Variants in SUSD6 observed in about 807,000 individuals in gnomAD.
The protein encoded by SUSD6 is sushi domain-containing protein 6.
In SUSD6, 16 loss-of-function variants were observed where a neutral mutation model predicts 28.4. That is an observed-to-expected ratio of 0.56 (90% CI 0.38 to 0.86). The LOEUF is 0.86. SUSD6 is among the 40% of genes least tolerant of loss of function. The probability of loss-of-function intolerance (pLI) is 0.00; values close to 1 mark genes in which losing one functional copy is unlikely to be tolerated. For missense variants in SUSD6, 341 were observed against 384.2 expected, an observed-to-expected ratio of 0.89 and a Z score of 0.94; for synonymous variants, 147 against 159.6, an observed-to-expected ratio of 0.92 and a Z score of 0.59.
chr14:69,632,905 C>T (rs927211571), intron 1 of SUSD6, among the ~76,000 whole-genome samples: 1 of 152,280 alleles, frequency 6.6e-6, no homozygotes, highest in African/African-American at 2.4e-5. Context: ...TTCACAGGTT[C>T]CTATCTCCAC....
At chr14:69,659,835 T>A (rs868178238) in intron 2 of SUSD6, among the ~76,000 whole-genome samples, 2 of 152,302 alleles carry the variant, frequency 1.3e-5, no homozygotes, top group Middle Eastern at 6.8e-3. Context: ...CCTTTTTGAG[T>A]TTGTACAGCC....
chr14:69,634,216 C>T (rs1885232715), intron 1 of SUSD6, among the ~76,000 whole-genome samples: 1 of 152,270 alleles, frequency 6.6e-6, no homozygotes, highest in Admixed American at 6.5e-5. Context: ...GTGAAAGGTG[C>T]CTGGCCACAG....
At chr14:69,708,597 G>A (rs1238294813) in intron 4 of SUSD6, 80 bp from the exon 5 acceptor site, 10 of 1,231,630 alleles carry the variant, frequency 8.1e-6, no homozygotes, top group African/African-American at 6.1e-5. Flanking sequence ...AAATGGTGGC[G>A]GCTGCTATTA....
chr14:69,695,201 G>A (rs1186820741), intron 2 of SUSD6, among the ~76,000 whole-genome samples: 3 of 152,170 alleles, frequency 2.0e-5, no homozygotes, highest in East Asian at 3.9e-4. Flanking sequence ...ACTATTTGGC[G>A]GGATCGGGAA....
intron 2 of SUSD6, among the ~76,000 whole-genome samples, chr14:69,677,006 G>A (rs897319924): frequency 1.3e-5 from 2 of 152,220 alleles, no homozygotes; most frequent in Non-Finnish European, 1.5e-5. Flanking sequence ...GTTGCAGAAA[G>A]CATTAGGAAC....
At chr14:69,702,512 A>G (rs1886326851) in intron 2 of SUSD6, among the ~76,000 whole-genome samples, 1 of 152,122 alleles carries the variant, frequency 6.6e-6, no homozygotes, top group African/African-American at 2.4e-5. Flanking sequence ...CATCTCCCTA[A>G]CTGACCAGTT....
At chr14:69,687,188 T>A (rs575337973) in intron 2 of SUSD6, among the ~76,000 whole-genome samples, 2 of 152,330 alleles carry the variant, frequency 1.3e-5, no homozygotes, top group East Asian at 3.9e-4. Flanking sequence ...TTGGTCAGGC[T>A]GGTCTCGAAC....
At chr14:69,689,220 C>G (rs927533319) in intron 2 of SUSD6, among the ~76,000 whole-genome samples, 39 of 152,128 alleles carry the variant, frequency 2.6e-4, no homozygotes, top group African/African-American at 9.4e-4. Context: ...TTTCTGTAGC[C>G]CATATTGATT....
intron 1 of SUSD6, among the ~76,000 whole-genome samples, chr14:69,629,930 G>A (rs553819562): frequency 9.2e-5 from 14 of 152,350 alleles, no homozygotes; most frequent in Admixed American, 5.2e-4. Context: ...CTCATAGGAA[G>A]TGTCCATAAA....
intron 1 of SUSD6, among the ~76,000 whole-genome samples, chr14:69,652,496 T>C (rs1885519242): frequency 6.6e-6 from 1 of 152,160 alleles, no homozygotes; most frequent in Non-Finnish European, 1.5e-5. Flanking sequence ...AAATTACATG[T>C]AAACGGAGTC....
At chr14:69,644,551 G>A (rs896592452) in intron 1 of SUSD6, among the ~76,000 whole-genome samples, 3 of 152,054 alleles carry the variant, frequency 2.0e-5, no homozygotes, top group Non-Finnish European at 2.9e-5. Flanking sequence ...TCGGGAGGCT[G>A]AGGCAGGAGA....
chr14:69,676,046 G>A (rs1885903708), intron 2 of SUSD6, among the ~76,000 whole-genome samples: 1 of 152,218 alleles, frequency 6.6e-6, no homozygotes, highest in South Asian at 2.1e-4. Flanking sequence ...TCTTGTACAA[G>A]GAAGTCAGGG....
intron 4 of SUSD6, among the ~76,000 whole-genome samples, chr14:69,705,670 T>G (rs1298876671): frequency 6.6e-6 from 1 of 152,246 alleles, no homozygotes; most frequent in African/African-American, 2.4e-5. Flanking sequence ...GCATTCACTT[T>G]TTATAAAAAG....
intron 1 of SUSD6, among the ~76,000 whole-genome samples, chr14:69,636,215 G>A (rs974509228): frequency 2.6e-5 from 4 of 152,198 alleles, no homozygotes; most frequent in Non-Finnish European, 5.9e-5. Flanking sequence ...TGGAGTGGGC[G>A]GCAGGCTATA....
In SUSD6 at chr14:69,711,376, T is replaced by A. The variant is rs1003977711; in HGVS notation, c.*397T>A. ...TGCCTTTCCCCCACCCTGTCCAGTT[T>A]CCCTGTCATGCAGACTTGTTGCTGT... On this transcript the variant is annotated 3_prime_UTR_variant, in exon 6 of 6. Transcript: ENST00000342745. The A allele has an allele frequency of 4.3e-6, 1 of 231,390 alleles. No individual in the cohort carries two copies. The highest frequency in any genetic ancestry group is 8.7e-6 in the Non-Finnish European group (1 of 115,564). 14.3% of individuals were successfully genotyped at this position (231,390 alleles called of 1,614,324 possible). A position where few individuals can be genotyped will look rare whatever the true frequency, so the allele number is the denominator to read the frequency against.
At chr14:69,673,990 T>C (rs1380886862) in intron 2 of SUSD6, among the ~76,000 whole-genome samples, 1 of 152,218 alleles carries the variant, frequency 6.6e-6, no homozygotes, top group African/African-American at 2.4e-5. Context: ...TGTTTTTTAT[T>C]TTTTCCGTGT....
At chr14:69,642,943 CT>C (rs1885374472) in intron 1 of SUSD6, among the ~76,000 whole-genome samples, 1 of 152,130 alleles carries the variant, frequency 6.6e-6, no homozygotes, top group Non-Finnish European at 1.5e-5. Context: ...TTAATTTGCC[CT>C]GCAAATTCTA....
At chr14:69,619,640 A>G (rs1261003829) in intron 1 of SUSD6, among the ~76,000 whole-genome samples, 2 of 151,974 alleles carry the variant, frequency 1.3e-5, no homozygotes, top group Non-Finnish European at 2.9e-5. Flanking sequence ...GCATGGTGAC[A>G]CACACCTGTA....
In SUSD6 at chr14:69,693,100, C is replaced by T. The variant is rs148573246; in HGVS notation, c.122-10295C>T. 7.6e-3 allele frequency among the ~76,000 whole-genome samples: 1,162 copies of T among 152,354 alleles called. 15 individuals carry two copies. Among genetic ancestry groups the T allele is most frequent in the African/African-American group, 0.026 (1,097 of 41,578 alleles). On this transcript the variant is annotated intron_variant, in intron 2 of 5. Coordinates refer to ENST00000342745, the MANE Select transcript of SUSD6 (RefSeq NM_014734.4). ...TAGCCTGGCTCCCTACCTCCATTGTCATCCCACCATCTGGAGGTGGAGGTA... is the reference window on the plus strand; with the variant it reads ...TAGCCTGGCTCCCTACCTCCATTGTTATCCCACCATCTGGAGGTGGAGGTA...
Sources: allele counts gnomAD v4.1 joint callset (sites outside exome capture counted in the v4.1 genomes callset), GRCh38; gene constraint gnomAD v4.1.1; transcripts MANE v1.5; gene names NCBI Gene and HGNC (gene_info 2026-07-23, HGNC 2026-07-21).